MIPOL1: variants seen among roughly 807,000 people sequenced by gnomAD.
MIPOL1 encodes the protein mirror-image polydactyly gene 1 protein.
Under a neutral mutation model 60.9 loss-of-function variants are expected in MIPOL1, and 57 were observed. That is an observed-to-expected ratio of 0.94 (90% CI 0.76 to 1.17). MIPOL1 has a LOEUF of 1.17. MIPOL1 is among the 50% of genes most tolerant of loss of function. The pLI is 0.00. For synonymous variants in MIPOL1, 179 were observed against 168.8 expected (o/e 1.06, Z -0.47); for missense variants, 551 against 511.6 (o/e 1.08, Z -0.74).
chr14:37,204,742 C>G (rs1475906498), intron 1 of MIPOL1, among the ~76,000 whole-genome samples: 1 of 152,064 alleles, frequency 6.6e-6, no homozygotes, highest in Non-Finnish European at 1.5e-5. Context: ...AGTAAACAGA[C>G]TAACACAGTA....
At chr14:37,375,070 T>C (rs2092737597) in intron 10 of MIPOL1, among the ~76,000 whole-genome samples, 1 of 152,184 alleles carries the variant, frequency 6.6e-6, no homozygotes, top group Non-Finnish European at 1.5e-5. Flanking sequence ...AGCAGTGGTT[T>C]GTAGTTCTCC....
chr14:37,417,295 A>G (rs1401450525), intron 10 of MIPOL1, among the ~76,000 whole-genome samples: 3 of 152,000 alleles, frequency 2.0e-5, no homozygotes, highest in East Asian at 1.9e-4. Flanking sequence ...TTCCACCACA[A>G]ACTCTTTTCT....
chr14:37,363,326 C>G (rs769894241), intron 9 of MIPOL1, among the ~76,000 whole-genome samples: 2 of 152,116 alleles, frequency 1.3e-5, no homozygotes, highest in Non-Finnish European at 2.9e-5. Context: ...GATGTTGAAA[C>G]TATTCCTTTC....
chr14:37,316,611 T>C (rs890706819), intron 9 of MIPOL1, among the ~76,000 whole-genome samples: 3 of 146,458 alleles, frequency 2.0e-5, no homozygotes, highest in Non-Finnish European at 4.6e-5. Flanking sequence ...TTTTTTCCTT[T>C]CTTTTTTTAA....
intron 9 of MIPOL1, among the ~76,000 whole-genome samples, chr14:37,310,626 A>T (rs1373905997): frequency 6.6e-6 from 1 of 152,108 alleles, no homozygotes; most frequent in East Asian, 1.9e-4. Context: ...CCTACTTCAT[A>T]AAATGTTTGA....
In MIPOL1 at chr14:37,548,208, A is replaced by G. The variant is rs1297600738; in HGVS notation, c.*1237A>G. On this transcript the variant is annotated 3_prime_UTR_variant, in exon 13 of 13. Transcript: ENST00000684589. ...TTCATCTTTAAGATTGAGCTAAATT[A>G]TCTACCATTGCCTATTTACAGGATA... 2.0e-5 allele frequency: 3 copies of G among 152,012 alleles called. No individual in the cohort carries two copies. Among genetic ancestry groups the G allele is most frequent in the Admixed American group, 6.5e-5 (1 of 15,268 alleles). The allele number at this position is 152,012 out of a possible 1,614,324, so 9.4% of individuals were successfully genotyped here. A position where few individuals can be genotyped will look rare whatever the true frequency, so the allele number is the denominator to read the frequency against.
intron 12 of MIPOL1, among the ~76,000 whole-genome samples, chr14:37,526,463 C>T (rs112012613): frequency 2.0e-5 from 3 of 150,834 alleles, no homozygotes; most frequent in East Asian, 1.9e-4. Flanking sequence ...TCCACCTCCC[C>T]GGTTTACGCC....
chr14:37,346,061 G>A (rs2090923279), intron 9 of MIPOL1, among the ~76,000 whole-genome samples: 1 of 152,148 alleles, frequency 6.6e-6, no homozygotes, highest in African/African-American at 2.4e-5. Flanking sequence ...TGAGCACGAT[G>A]GCTCACGCCT....
chr14:37,383,112 C>G (rs1314313060), intron 10 of MIPOL1, among the ~76,000 whole-genome samples: 1 of 151,682 alleles, frequency 6.6e-6, no homozygotes, highest in African/African-American at 2.4e-5. Flanking sequence ...CAACCATAAT[C>G]GTATCTAAAT....
intron 1 of MIPOL1, among the ~76,000 whole-genome samples, chr14:37,216,975 A>ATAAAACAATATGGCTTTTTGAAAAG (rs1222421821): frequency 2.6e-5 from 4 of 152,160 alleles, no homozygotes; most frequent in Non-Finnish European, 4.4e-5. Flanking sequence ...CAAACAACCA[A>ATAAAACAATATGGCTTTTTGAAAAG]TAAAACAATA....
intron 9 of MIPOL1, among the ~76,000 whole-genome samples, chr14:37,361,364 G>C (rs2092227701): frequency 6.6e-6 from 1 of 152,014 alleles, no homozygotes; most frequent in Non-Finnish European, 1.5e-5. Flanking sequence ...TTCAAGTCCT[G>C]GATATCCTTC....
At chr14:37,492,855 T>G (rs2095065039) in intron 11 of MIPOL1, among the ~76,000 whole-genome samples, 1 of 152,096 alleles carries the variant, frequency 6.6e-6, no homozygotes, top group Non-Finnish European at 1.5e-5. Flanking sequence ...GCTAGTACCA[T>G]CTCACCCTCC....
intron 9 of MIPOL1, among the ~76,000 whole-genome samples, chr14:37,337,468 T>C (rs1373136372): frequency 2.1e-5 from 3 of 144,296 alleles, no homozygotes; most frequent in African/African-American, 7.7e-5. Context: ...TCCCAGGTTC[T>C]AGTGGTTCTC....
intron 7 of MIPOL1, among the ~76,000 whole-genome samples, chr14:37,296,787 A>G (rs1341978443): frequency 6.6e-6 from 1 of 152,200 alleles, no homozygotes. Context: ...GACCAATAAC[A>G]GGCTCTGAAA....
chr14:37,477,756 G>A (rs576147724), intron 11 of MIPOL1, among the ~76,000 whole-genome samples: 2 of 152,292 alleles, frequency 1.3e-5, no homozygotes, highest in Admixed American at 6.5e-5. Flanking sequence ...TATCTTTTCT[G>A]TGCGTACCCA....
chr14:37,341,747 A>G (rs1467744531), intron 9 of MIPOL1, among the ~76,000 whole-genome samples: 1 of 152,188 alleles, frequency 6.6e-6, no homozygotes, highest in Non-Finnish European at 1.5e-5. Context: ...TCTCTAGCCC[A>G]AAGTTCTAAT....
intron 9 of MIPOL1, among the ~76,000 whole-genome samples, chr14:37,316,029 ATT>A (rs374928678): frequency 0.94 from 134,138 of 143,416 alleles, 63,069 homozygotes; most frequent in East Asian, 0.99. Context: ...TATTTATTTA[ATT>A]TTTTTTTTTT....
intron 1 of MIPOL1, among the ~76,000 whole-genome samples, chr14:37,217,459 C>T (rs1056309263): frequency 6.6e-6 from 1 of 152,134 alleles, no homozygotes; most frequent in East Asian, 1.9e-4. Context: ...AAGCCACAGT[C>T]CAATCTCTCT....
rs1194147378 is a variant in MIPOL1, at chr14:37,241,869, C to T, written c.-198-5234C>T. On this transcript the variant is annotated intron_variant, in intron 1 of 12. Coordinates refer to ENST00000684589, the MANE Select transcript of MIPOL1 (RefSeq NM_001388067.1). ...TTTGTTTAATTCTCAGAAACTCTTTCTTACATTTTGAACTTCTCTATTCCA... is the reference window on the plus strand; with the variant it reads ...TTTGTTTAATTCTCAGAAACTCTTTTTTACATTTTGAACTTCTCTATTCCA... Among the ~76,000 whole-genome samples, 13 of 152,190 alleles carry T rather than the reference C, an allele frequency of 8.5e-5. No individual in the cohort carries two copies. In the South Asian group the frequency reaches 2.3e-3, roughly 27 times the overall value.
Sources: gnomAD v4.1 joint callset for allele counts (sites outside exome capture counted in the v4.1 genomes callset) on GRCh38, gnomAD v4.1.1 for gene constraint, MANE v1.5 for transcripts, NCBI Gene and HGNC (gene_info 2026-07-23, HGNC 2026-07-21) for gene names.